The following AMHR2 variants were observed in gnomAD, a reference collection of about 807,000 sequenced individuals.
AMHR2 encodes the protein anti-Mullerian hormone receptor type 2, also known as anti-Muellerian hormone type-2 receptor.
A neutral mutation model predicts 61.4 loss-of-function variants in AMHR2; 36 were observed. The observed-to-expected ratio is 0.59, with a 90% CI of 0.45 to 0.77. The LOEUF (loss-of-function observed/expected upper bound fraction) is 0.77, where lower values mean the gene tolerates loss of function less well. AMHR2 is among the 30% of genes least tolerant of loss of function. The probability of loss-of-function intolerance (pLI) is 0.00; values close to 1 mark genes in which losing one functional copy is unlikely to be tolerated. For synonymous variants in AMHR2, 258 were observed against 279.4 expected (o/e 0.92, Z 0.76); for missense variants, 638 against 714.6 (o/e 0.89, Z 1.22).
chr12:53,430,334 T>C (rs1273395430), intron 10 of AMHR2, 52 bp downstream of exon 10: 7 of 1,613,740 alleles, frequency 4.3e-6, no homozygotes, highest in Non-Finnish European at 5.9e-6. Flanking sequence ...GGGCTGGGCA[T>C]GGGCTTCAAG....
At chr12:53,427,804 C>T (rs1939742782) in intron 6 of AMHR2, among the ~76,000 whole-genome samples, 1 of 152,160 alleles carries the variant, frequency 6.6e-6, no homozygotes, top group African/African-American at 2.4e-5. Context: ...AAGTCATTTG[C>T]CCAGAATCTA....
At chr12:53,424,520 C>T (rs1333811859) in intron 2 of AMHR2, 50 bp downstream of exon 2, 2 of 1,595,656 alleles carry the variant, frequency 1.3e-6, no homozygotes, top group South Asian at 1.1e-5. Context: ...GAGACAGACA[C>T]ATCCTGGGGT....
chr12:53,430,598 G>T, intron 10 of AMHR2: 1 of 475,356 alleles, frequency 2.1e-6, no homozygotes, highest in Non-Finnish European at 3.9e-6. Context: ...GCCCTCCTTG[G>T]CTTTGCTCTT....
At chr12:53,428,293 A>G (rs1939793245) in intron 6 of AMHR2, among the ~76,000 whole-genome samples, 1 of 152,012 alleles carries the variant, frequency 6.6e-6, no homozygotes, top group South Asian at 2.1e-4. Flanking sequence ...GAGGGGTTCT[A>G]TTGCTCCCTT....
At chr12:53,430,063 C>A in intron 9 of AMHR2, 83 bp from the exon 10 acceptor site, 1 of 1,614,098 alleles carries the variant, frequency 6.2e-7, no homozygotes, top group South Asian at 1.1e-5. Context: ...CCTGAGAAAG[C>A]TCTGCTCTTC....
intron 6 of AMHR2, among the ~76,000 whole-genome samples, chr12:53,426,818 G>T (rs895126712): frequency 6.6e-6 from 1 of 151,696 alleles, no homozygotes; most frequent in Non-Finnish European, 1.5e-5. Context: ...CAGTAGCTGG[G>T]ATTACAGGCG....
Position 53,424,312 on chromosome 12 carries a change from T to C in AMHR2, c.74T>C (p.Val25Ala). The C allele has an allele frequency of 6.2e-7, 1 of 1,612,726 alleles. No homozygotes were observed. Among genetic ancestry groups the C allele is most frequent in the African/African-American group, 1.3e-5 (1 of 75,000 alleles). ...GCACCCCCAAACAGGCGAACCTGTG[T>C]GTTCTTTGAGGCCCCTGGAGTGCGG... ...VEAPPNRRTC[V>A]FFEAPGVRGS... Residue 25 changes from valine to alanine, a missense_variant, in exon 2 of 11, where the codon GTG becomes GCG. Val to Ala is a moderately conservative substitution (Grantham distance 64). Transcript: ENST00000257863.
chr12:53,429,985 A>ATGGG lies in AMHR2; in HGVS notation c.1288+11_1288+14dup. On this transcript the variant is annotated splice_region_variant and intron_variant, in intron 9 of 10. Transcript: ENST00000257863. ...TGCCCAGATTTGAGGCCTGGTAAGG[A>ATGGG]TGGGTGGTACAGTCCCCTCTCCTGG... The ATGGG allele has an allele frequency of 6.2e-7, 1 of 1,614,136 alleles. No individual in the cohort carries two copies. The highest frequency in any genetic ancestry group is 8.5e-7 in the Non-Finnish European group (1 of 1,180,020).
At position 53,424,715 on chromosome 12, in the gene AMHR2, G is replaced by T; in HGVS notation, c.239G>T (p.Arg80Leu). 1.9e-6 allele frequency: 3 copies of T among 1,613,464 alleles called. No homozygotes were observed. The highest frequency in any genetic ancestry group is 2.5e-6 in the Non-Finnish European group (3 of 1,179,714). ...CCTAATCCCATCCCATCAGGATGCC[G>T]AGACAGTGATGAGCCAGGCTGTGAG... Reference protein sequence around the residue: ...DRAQVEMQGCRDSDEPGCESL... With the variant: ...DRAQVEMQGCLDSDEPGCESL... Residue 80 changes from arginine (R) to leucine (L), a missense_variant, in exon 3 of 11, where the codon CGA becomes CTA. By Grantham distance (102) the Arg-to-Leu change is moderately radical. Coordinates refer to ENST00000257863, the MANE Select transcript of AMHR2 (RefSeq NM_020547.3).
In AMHR2 at chr12:53,425,926, A is replaced by C. The variant is rs752826964; in HGVS notation, c.852+7A>C. ...ACTGGAACTGCATCCCAAGGTGAGCACCAAGGAGTGTATATGTGTGTGTGT... is the reference window on the plus strand; with the variant it reads ...ACTGGAACTGCATCCCAAGGTGAGCCCCAAGGAGTGTATATGTGTGTGTGT... On this transcript the variant is annotated splice_region_variant and intron_variant, in intron 6 of 10. Coordinates refer to ENST00000257863, the MANE Select transcript of AMHR2 (RefSeq NM_020547.3). 2.8e-5 allele frequency: 45 copies of C among 1,612,730 alleles called. No individual in the cohort carries two copies. Among genetic ancestry groups the C allele is most frequent in the Non-Finnish European group, 3.6e-5 (43 of 1,179,304 alleles).
chr12:53,428,716 T>C (rs573913136), intron 6 of AMHR2, among the ~76,000 whole-genome samples, 180 bp from the exon 7 acceptor site: 1 of 152,304 alleles, frequency 6.6e-6, no homozygotes, highest in East Asian at 1.9e-4. Context: ...AGAGTTACTA[T>C]TTTTCATGTC....
intron 10 of AMHR2, 131 bp downstream of exon 10, chr12:53,430,413 C>T (rs967746859): frequency 2.1e-6 from 3 of 1,458,562 alleles, no homozygotes; most frequent in South Asian, 1.2e-5. Flanking sequence ...GGTTCATGCT[C>T]AGCTGGAACT....
At chr12:53,427,122 T>C (rs1224874416) in intron 6 of AMHR2, among the ~76,000 whole-genome samples, 1 of 152,160 alleles carries the variant, frequency 6.6e-6, no homozygotes, top group Non-Finnish European at 1.5e-5. Flanking sequence ...AGTCCCTCTT[T>C]TACAGATTTT....
rs1939859785 is a variant in AMHR2 at position 53,428,956 on chromosome 12, G to C, written c.913G>C (p.Ala305Pro). ...TSDWGSSLRM[A>P]LSLAQGLAFL... Reference sequence around the variant, plus strand: ...TGACTGGGGAAGTTCCCTGCGGATGGCACTGTCCCTGGCCCAGGGCCTGGC... The same window carrying C: ...TGACTGGGGAAGTTCCCTGCGGATGCCACTGTCCCTGGCCCAGGGCCTGGC... Residue 305 changes from alanine to proline, a missense_variant, in exon 7 of 11, where the codon GCA (alanine) becomes CCA (proline). Transcript: ENST00000257863. The C allele has an allele frequency of 6.4e-7, 1 of 1,551,578 alleles. No homozygotes were observed. Among genetic ancestry groups the C allele is most frequent in the Non-Finnish European group, 8.7e-7 (1 of 1,147,016 alleles).
chr12:53,424,600 G>A, intron 2 of AMHR2, 109 bp from the exon 3 acceptor site: 1 of 1,537,680 alleles, frequency 6.5e-7, no homozygotes, highest in South Asian at 1.2e-5. Flanking sequence ...ATGAGAGCTG[G>A]AAGGGACGCC....
chr12:53,429,113 C>T (rs1474516050), intron 7 of AMHR2, 103 bp downstream of exon 7: 5 of 1,128,046 alleles, frequency 4.4e-6, no homozygotes, highest in Non-Finnish European at 6.5e-6. Flanking sequence ...GGAGGAAGAG[C>T]CGGGCACGGT....
Position 53,430,269 on chromosome 12 carries a change from G to T in AMHR2, c.1412G>T (p.Arg471Leu). 1.2e-6 allele frequency: 2 copies of T among 1,614,162 alleles called. No individual in the cohort carries two copies. The highest frequency in any genetic ancestry group is 1.7e-6 in the Non-Finnish European group (2 of 1,180,036). The change falls in exon 10 of 11, where the codon CGC (arginine) becomes CTC (leucine). Residue 471 changes from arginine (R) to leucine (L), a missense_variant. Arg to Leu is a moderately radical substitution (Grantham distance 102, BLOSUM62 -2). Coordinates refer to ENST00000257863, the MANE Select transcript of AMHR2 (RefSeq NM_020547.3). ...RRRPYIPSTW[R>L]CFATDPDGLR... The stretch of plus-strand genomic sequence containing the variant: ...CGTCCCTACATCCCATCCACCTGGC[G>T]CTGCTTTGCCACAGTAAGAGGCCTA...
chr12:53,430,591 C>T (rs867068455), intron 10 of AMHR2: 3 of 485,694 alleles, frequency 6.2e-6, no homozygotes, highest in Non-Finnish European at 7.6e-6. Flanking sequence ...CCAGGAAGCC[C>T]TCCTTGGCTT....
intron 3 of AMHR2, 110 bp from the exon 4 acceptor site, chr12:53,425,054 GT>G (rs1939433146): frequency 6.3e-7 from 1 of 1,589,910 alleles, no homozygotes; most frequent in Non-Finnish European, 8.5e-7. Flanking sequence ...GAGATAAGGG[GT>G]CTTGTGACCA....
Sources: gnomAD v4.1 joint callset for allele counts (sites outside exome capture counted in the v4.1 genomes callset) on GRCh38, gnomAD v4.1.1 for gene constraint, MANE v1.5 for transcripts, NCBI Gene and HGNC (gene_info 2026-07-23, HGNC 2026-07-21) for gene names.